Variants in TENM3 observed in about 807,000 individuals in gnomAD.
TENM3 encodes the protein teneurin-3.
Under a neutral mutation model 255.1 loss-of-function variants are expected in TENM3, and 63 were observed. That is an observed-to-expected ratio of 0.25 (90% CI 0.20 to 0.30). TENM3 has a LOEUF of 0.30. Among genes scored for constraint, TENM3 ranks in the 10% least tolerant of loss-of-function variants. The pLI is 1.00. For missense variants in TENM3, 2,929 were observed against 3,461.1 expected, an observed-to-expected ratio of 0.85 and a Z score of 3.86; for synonymous variants, 1,306 against 1,322.3, an observed-to-expected ratio of 0.99 and a Z score of 0.27.
chr4:181,658,489 A>G, the TENM3 span, among the ~76,000 whole-genome samples: 2 of 152,012 alleles, frequency 1.3e-5, no homozygotes, highest in Admixed American at 1.3e-4. Context: ...GCCCCGCTGG[A>G]CTCTTCTGGC....
the TENM3 span, among the ~76,000 whole-genome samples, chr4:181,946,005 G>T: frequency 4.0e-5 from 6 of 151,704 alleles, no homozygotes; most frequent in Non-Finnish European, 7.4e-5. Flanking sequence ...TCCATAACTT[G>T]GTCTCTTTTC....
At chr4:182,510,437 C>G (rs1469642905) in intron 3 of TENM3, among the ~76,000 whole-genome samples, 1 of 152,186 alleles carries the variant, frequency 6.6e-6, no homozygotes, top group African/African-American at 2.4e-5. Flanking sequence ...AAAGACTTCT[C>G]ACTATAATCC....
At chr4:182,272,849 A>G (rs941560465) in intron 1 of TENM3, among the ~76,000 whole-genome samples, 19 of 152,138 alleles carry the variant, frequency 1.2e-4, no homozygotes, top group Admixed American at 1.0e-3. Flanking sequence ...AAGCACCATG[A>G]GAGAGAATGG....
At position 182,400,302 on chromosome 4, in the gene TENM3, AT is replaced by A. The variant is rs150084966; in HGVS notation, c.511+53376del. 8.2e-4 allele frequency among the ~76,000 whole-genome samples: 125 copies of A among 152,262 alleles called. No homozygotes were observed. The East Asian group carries it at 0.021, about 26-fold the overall frequency. On this transcript the variant is annotated intron_variant, in intron 3 of 27. Coordinates refer to ENST00000511685, the MANE Select transcript of TENM3 (RefSeq NM_001080477.4). Reference sequence around the variant, plus strand: ...TCTCTACTGAAATTCTGGCAGAGTTATTTCTTCAACATTTGGCTGAGGGTTT... The same window carrying A: ...TCTCTACTGAAATTCTGGCAGAGTTATTCTTCAACATTTGGCTGAGGGTTT...
the TENM3 span, among the ~76,000 whole-genome samples, chr4:181,746,231 A>C: frequency 1.3e-5 from 2 of 152,128 alleles, 1 homozygote; most frequent in Non-Finnish European, 2.9e-5. Context: ...GTAATGAACA[A>C]ATCTAGACTG....
chr4:182,211,295 T>G (rs2149891961), intron 1 of TENM3, among the ~76,000 whole-genome samples: 1 of 152,358 alleles, frequency 6.6e-6, no homozygotes, highest in Middle Eastern at 3.4e-3. Context: ...CTTTTGTCTT[T>G]TCTTTTTCTA....
the TENM3 span, among the ~76,000 whole-genome samples, chr4:182,127,541 T>C: frequency 6.6e-5 from 10 of 152,224 alleles, no homozygotes; most frequent in African/African-American, 2.4e-4. Context: ...CTTGCCTGTA[T>C]ATCACTGTTC....
chr4:181,476,352 C>T, the TENM3 span, among the ~76,000 whole-genome samples: 8 of 151,938 alleles, frequency 5.3e-5, no homozygotes, highest in Non-Finnish European at 7.4e-5. Context: ...TTTACCCATG[C>T]GGCTTTTAAT....
At chr4:181,532,968 C>A in the TENM3 span, among the ~76,000 whole-genome samples, 1 of 152,094 alleles carries the variant, frequency 6.6e-6, no homozygotes, top group Non-Finnish European at 1.5e-5. Flanking sequence ...GAAATGTTTT[C>A]AAAATTCTCT....
the TENM3 span, among the ~76,000 whole-genome samples, chr4:181,968,593 G>A: frequency 6.6e-6 from 1 of 152,170 alleles, no homozygotes; most frequent in Non-Finnish European, 1.5e-5. Flanking sequence ...GCTAACCGCA[G>A]AGAATACAGA....
the TENM3 span, among the ~76,000 whole-genome samples, chr4:181,842,952 T>A: frequency 6.6e-6 from 1 of 152,204 alleles, no homozygotes; most frequent in Admixed American, 6.5e-5. Flanking sequence ...TTACTCTGTA[T>A]CCCTAGAGTG....
chr4:182,018,275 A>G, the TENM3 span, among the ~76,000 whole-genome samples: 2 of 152,200 alleles, frequency 1.3e-5, no homozygotes. Context: ...CTCTATAGCC[A>G]TCCACCCTGA....
chr4:181,847,980 A>G, the TENM3 span, among the ~76,000 whole-genome samples: 1 of 152,154 alleles, frequency 6.6e-6, no homozygotes, highest in Non-Finnish European at 1.5e-5. Flanking sequence ...ATTATTTGAA[A>G]CTGAAGTTAA....
At chr4:182,363,069 G>A (rs1010917584) in intron 3 of TENM3, among the ~76,000 whole-genome samples, 1 of 152,138 alleles carries the variant, frequency 6.6e-6, no homozygotes. Context: ...GTCATCAGAA[G>A]CTTTGGAGGA....
At chr4:181,473,907 A>G in the TENM3 span, among the ~76,000 whole-genome samples, 1 of 147,796 alleles carries the variant, frequency 6.8e-6, no homozygotes, top group African/African-American at 2.5e-5. Context: ...TATAAAGTAT[A>G]CAGTATAAAA....
the TENM3 span, among the ~76,000 whole-genome samples, chr4:181,909,957 A>T: frequency 1.3e-5 from 2 of 152,226 alleles, no homozygotes; most frequent in Non-Finnish European, 1.5e-5. Context: ...TTTTCAGGTT[A>T]TATATTAGTT....
chr4:181,779,378 G>C, the TENM3 span, among the ~76,000 whole-genome samples: 1 of 151,714 alleles, frequency 6.6e-6, no homozygotes, highest in Non-Finnish European at 1.5e-5. Flanking sequence ...TTCTAAACAA[G>C]AACTACATAA....
chr4:181,843,781 G>A, the TENM3 span, among the ~76,000 whole-genome samples: 6 of 145,996 alleles, frequency 4.1e-5, no homozygotes, highest in Admixed American at 1.4e-4. Flanking sequence ...GTGCAGTGGC[G>A]TGATCTTGGC....
chr4:181,812,194 A>C, the TENM3 span, among the ~76,000 whole-genome samples: 1 of 152,172 alleles, frequency 6.6e-6, no homozygotes, highest in African/African-American at 2.4e-5. Context: ...TTAAGCTTTG[A>C]GATATCATAA....
Sources: gnomAD v4.1 joint callset for allele counts (sites outside exome capture counted in the v4.1 genomes callset) on GRCh38, gnomAD v4.1.1 for gene constraint, MANE v1.5 for transcripts, NCBI Gene and HGNC (gene_info 2026-07-23, HGNC 2026-07-21) for gene names.